RBFOX1: variants seen among roughly 807,000 people sequenced by gnomAD.
RBFOX1 encodes RNA binding fox-1 homolog 1, also known as RNA binding protein fox-1 homolog 1.
In RBFOX1, 8 loss-of-function variants were observed where a neutral mutation model predicts 57.7. That is an observed-to-expected ratio of 0.14 (90% CI 0.08 to 0.25). The LOEUF (loss-of-function observed/expected upper bound fraction) is 0.25, where lower values mean the gene tolerates loss of function less well. Among genes scored for constraint, RBFOX1 ranks in the 10% least tolerant of loss-of-function variants. The pLI, the probability that RBFOX1 is intolerant of heterozygous loss-of-function variation, is 1.00. For missense variants in RBFOX1, 611 were observed against 548.5 expected (o/e 1.11, Z -1.14); for synonymous variants, 326 against 222.4 (o/e 1.47, Z -4.15).
intron 4 of RBFOX1, among the ~76,000 whole-genome samples, chr16:7,118,474 A>T (rs1180080822): frequency 6.6e-6 from 1 of 152,170 alleles, no homozygotes; most frequent in African/African-American, 2.4e-5. Context: ...CCTATCGGGT[A>T]CAAGGTATGC....
At chr16:5,249,658 G>C (rs565523544) in intron 1 of RBFOX1, among the ~76,000 whole-genome samples, 1 of 152,224 alleles carries the variant, frequency 6.6e-6, no homozygotes, top group East Asian at 1.9e-4. Context: ...ATTATTATTT[G>C]TTCATTTGTA....
chr16:7,671,062 A>G (rs2071273344), intron 13 of RBFOX1, among the ~76,000 whole-genome samples: 1 of 152,208 alleles, frequency 6.6e-6, no homozygotes, highest in African/African-American at 2.4e-5. Flanking sequence ...TGAATTCATG[A>G]ACTGCAATTT....
chr16:5,712,121 T>C (rs1441966591), intron 3 of RBFOX1, among the ~76,000 whole-genome samples: 3 of 152,192 alleles, frequency 2.0e-5, no homozygotes, highest in African/African-American at 7.2e-5. Context: ...CCATTACATC[T>C]TGTGAGAGCT....
rs1567553484 is a variant in RBFOX1 at position 5,467,178 on chromosome 16, C to T, written c.220-38C>T. ...TCAATGTAGACTCAATGTTTCTTCT[C>T]TCTCTCTCTCTCTCTCTCTTTTTTT... On this transcript the variant is annotated intron_variant, in intron 1 of 2. Transcript: ENST00000585867. The T allele has an allele frequency of 2.1e-6, 3 of 1,420,578 alleles. No homozygotes were observed. In the East Asian group the frequency reaches 7.6e-5, roughly 36 times the overall value. 88.0% of individuals were successfully genotyped at this position (1,420,578 alleles called of 1,614,324 possible).
chr16:7,539,717 C>T (rs1011252493), intron 5 of RBFOX1, among the ~76,000 whole-genome samples: 7 of 152,152 alleles, frequency 4.6e-5, no homozygotes, highest in Non-Finnish European at 7.3e-5. Context: ...TATTGCTTGG[C>T]GACCAAGTGC....
chr16:7,040,309 G>A (rs573414751), intron 3 of RBFOX1, among the ~76,000 whole-genome samples: 2 of 152,104 alleles, frequency 1.3e-5, no homozygotes, highest in African/African-American at 4.8e-5. Flanking sequence ...GTGAGCCACC[G>A]TGCCCGGCTG....
intron 4 of RBFOX1, among the ~76,000 whole-genome samples, chr16:7,261,669 C>T (rs992740248): frequency 7.2e-5 from 11 of 152,182 alleles, no homozygotes; most frequent in African/African-American, 2.7e-4. Flanking sequence ...ATGTGTCTGA[C>T]AGGATGCCAG....
At position 7,255,180 on chromosome 16, in the gene RBFOX1, A is replaced by G. The variant is rs139829637; in HGVS notation, c.27+203082A>G. On this transcript the variant is annotated intron_variant, in intron 4 of 15. Transcript: ENST00000550418. Reference sequence around the variant, plus strand: ...AGAAAGATAGTTTCTATTTTAGACAATGAGGCTGAGGGTAGAGATATGACT... The same window carrying G: ...AGAAAGATAGTTTCTATTTTAGACAGTGAGGCTGAGGGTAGAGATATGACT... Among the ~76,000 whole-genome samples, 16 of 152,336 alleles carry G rather than the reference A, an allele frequency of 1.1e-4. No homozygotes were observed. The East Asian group carries it at 2.9e-3, about 28-fold the overall frequency.
chr16:5,766,121 G>A (rs1387483100), intron 3 of RBFOX1, among the ~76,000 whole-genome samples: 1 of 152,140 alleles, frequency 6.6e-6, no homozygotes, highest in African/African-American at 2.4e-5. Context: ...AAACCTTCCA[G>A]CATTGAGGCT....
intron 5 of RBFOX1, chr16:7,519,673 T>A: frequency 1.0e-6 from 1 of 985,210 alleles, no homozygotes; most frequent in South Asian, 4.7e-5. Flanking sequence ...TTTAGAAGCT[T>A]GGGAACCCCA....
intron 3 of RBFOX1, among the ~76,000 whole-genome samples, chr16:6,964,726 G>A (rs967490201): frequency 6.6e-6 from 1 of 152,150 alleles, no homozygotes; most frequent in African/African-American, 2.4e-5. Flanking sequence ...GGTAAGGTCC[G>A]GAAGCACTTG....
intron 3 of RBFOX1, among the ~76,000 whole-genome samples, chr16:5,681,861 C>T (rs921882416): frequency 1.3e-5 from 2 of 152,068 alleles, no homozygotes; most frequent in South Asian, 4.2e-4. Context: ...GAGGGACTGA[C>T]CTGGCTGAAG....
chr16:6,293,758 A>G (rs1377989654), intron 1 of RBFOX1, among the ~76,000 whole-genome samples: 2 of 122,570 alleles, frequency 1.6e-5, no homozygotes, highest in Non-Finnish European at 3.7e-5. Flanking sequence ...TGAAGCATGA[A>G]TGTAATTTTC....
In RBFOX1 at chr16:6,412,542, A is replaced by C. The variant is rs141697334; in HGVS notation, c.-64+95485A>C. ...TTTGAGTTATCAAATGGAAACTCTC[A>C]CCAATGTCTTTGAAACCTTTTTGTT... is the stretch of plus-strand genomic sequence containing the variant. On this transcript the variant is annotated intron_variant, in intron 2 of 15. Coordinates refer to ENST00000550418, the MANE Select transcript of RBFOX1 (RefSeq NM_018723.4). 8.1e-4 allele frequency among the ~76,000 whole-genome samples: 123 copies of C among 152,330 alleles called. 1 individual carries two copies. The highest frequency in any genetic ancestry group is 9.4e-4 in the Non-Finnish European group (64 of 68,034).
intron 3 of RBFOX1, among the ~76,000 whole-genome samples, chr16:6,681,664 T>G (rs2058670252): frequency 1.3e-5 from 1 of 79,226 alleles, no homozygotes; most frequent in South Asian, 7.5e-4. Flanking sequence ...CAATGGTCAT[T>G]TAACCAGAAA....
rs555124947 is a variant in RBFOX1 at position 6,567,730 on chromosome 16, C to T, written c.-63-86873C>T. Among the ~76,000 whole-genome samples, 3 of 152,200 alleles carry T rather than the reference C, an allele frequency of 2.0e-5. No homozygotes were observed. In the South Asian group the frequency reaches 6.2e-4, roughly 32 times the overall value. ...TATTTACATACTGTGCTTTTCTTGTCCCTCAGGGCCACATTTTTGAGTTGG... is the reference window on the plus strand; with the variant it reads ...TATTTACATACTGTGCTTTTCTTGTTCCTCAGGGCCACATTTTTGAGTTGG... On this transcript the variant is annotated intron_variant, in intron 2 of 15. Coordinates refer to ENST00000550418, the MANE Select transcript of RBFOX1 (RefSeq NM_018723.4).
In RBFOX1 at chr16:6,516,249, G is replaced by C. The variant is rs1000406692; in HGVS notation, c.-63-138354G>C. ...TTGCCATGTTGGCCAGGCTAGTCTC[G>C]AACTCCTGACCTCAGGTGAGACTTC... On this transcript the variant is annotated intron_variant, in intron 2 of 15. Coordinates refer to ENST00000550418, the MANE Select transcript of RBFOX1 (RefSeq NM_018723.4). Among the ~76,000 whole-genome samples, 3 of 152,206 alleles carry C rather than the reference G, an allele frequency of 2.0e-5. No individual in the cohort carries two copies. In the East Asian group the frequency reaches 5.8e-4, roughly 29 times the overall value.
chr16:6,817,304 C>T (rs888903849), intron 3 of RBFOX1, among the ~76,000 whole-genome samples: 2 of 152,072 alleles, frequency 1.3e-5, no homozygotes, highest in African/African-American at 2.4e-5. Context: ...ACACATTTAA[C>T]CAAAGCCCCT....
chr16:5,354,423 C>T (rs2065337823), intron 1 of RBFOX1, among the ~76,000 whole-genome samples: 1 of 152,178 alleles, frequency 6.6e-6, no homozygotes, highest in Non-Finnish European at 1.5e-5. Flanking sequence ...TGACCTTAGG[C>T]AAGTCACTTG....
Sources: allele counts gnomAD v4.1 joint callset (sites outside exome capture counted in the v4.1 genomes callset), GRCh38; gene constraint gnomAD v4.1.1; transcripts MANE v1.5; gene names NCBI Gene and HGNC (gene_info 2026-07-23, HGNC 2026-07-21).